The following PSD3 variants were observed in gnomAD, a reference collection of about 807,000 sequenced individuals.
PSD3 encodes the protein PH and SEC7 domain-containing protein 3.
In PSD3, 49 loss-of-function variants were observed where a neutral mutation model predicts 105.5. The observed-to-expected ratio is 0.46, with a 90% CI of 0.37 to 0.59. The LOEUF is 0.59. Among genes scored for constraint, PSD3 ranks in the 20% least tolerant of loss-of-function variants. PSD3 has a pLI of 0.00. For missense variants in PSD3, 1,561 were observed against 1,263.8 expected (o/e 1.24, Z -3.57); for synonymous variants, 557 against 457.8 (o/e 1.22, Z -2.77).
chr8:18,973,832 A>C (rs900071285), intron 1 of PSD3, among the ~76,000 whole-genome samples: 8 of 152,342 alleles, frequency 5.3e-5, no homozygotes, highest in African/African-American at 1.9e-4. Flanking sequence ...AATATGAGTT[A>C]CTAAGGACTT....
chr8:19,050,209 T>A (rs1448203636), intron 1 of PSD3, among the ~76,000 whole-genome samples: 2 of 152,178 alleles, frequency 1.3e-5, no homozygotes, highest in African/African-American at 4.8e-5. Context: ...ACTCTGTCAT[T>A]TCTGGGCCTT....
In PSD3 at chr8:18,632,181, C is replaced by CA. The variant is rs574001664; in HGVS notation, c.2410+431dup. On this transcript the variant is annotated intron_variant, in intron 11 of 15. Coordinates refer to ENST00000327040, the MANE Select transcript of PSD3 (RefSeq NM_015310.4). ...GTACTGGATATGAATTCCCTCCCTC[C>CA]ATCCTTTGTCTCTGGGACCTTACAC... 1.2e-4 allele frequency among the ~76,000 whole-genome samples: 18 copies of CA among 152,138 alleles called. No individual in the cohort carries two copies. The South Asian group carries it at 3.5e-3, about 30-fold the overall frequency.
intron 2 of PSD3, among the ~76,000 whole-genome samples, chr8:18,891,498 G>C (rs1411670251): frequency 6.6e-6 from 1 of 151,878 alleles, no homozygotes; most frequent in Non-Finnish European, 1.5e-5. Context: ...AATGTGTGAT[G>C]GAAGTTCTAT....
intron 1 of PSD3, among the ~76,000 whole-genome samples, chr8:18,978,221 C>T (rs1157285843): frequency 6.6e-6 from 1 of 152,246 alleles, no homozygotes; most frequent in African/African-American, 2.4e-5. Flanking sequence ...CTAAAAGCAA[C>T]ACTGCACGTC....
At chr8:19,084,446 G>A in exon 1 of PSD3, 1 of 456,018 alleles carries the variant, frequency 2.2e-6, no homozygotes, top group Non-Finnish European at 4.4e-6. Flanking sequence ...TGCATCGGGG[G>A]TCCATGCCCC....
In PSD3 at chr8:18,765,505, T is replaced by G; in HGVS notation, c.2116A>C (p.Ile706Leu). 1.2e-6 allele frequency: 2 copies of G among 1,612,706 alleles called. No individual in the cohort carries two copies. The highest frequency in any genetic ancestry group is 1.7e-6 in the Non-Finnish European group (2 of 1,178,686). ...TCATTTACCCCTTGCAGATTTGCAA[T>G]GAACTCCTGACAGGTCATCTTCTTT... Reference protein sequence around the residue: ...IGKKMTCQEFIANLQGVNEGV... With the variant: ...IGKKMTCQEFLANLQGVNEGV... Residue 706 changes from isoleucine (I) to leucine (L), a missense_variant, in exon 9 of 16, where the codon ATT (isoleucine) becomes CTT (leucine). Coordinates refer to ENST00000327040, the MANE Select transcript of PSD3 (RefSeq NM_015310.4).
rs185078421 is a variant in PSD3, at chr8:18,691,460, G to T, written c.2173-35775C>A. On this transcript the variant is annotated intron_variant, in intron 9 of 15. Transcript: ENST00000327040. ...ACAAACACAAAACTGTGAAGCTACAGGGCCTTCCGGAGATCAGAAAAACTT... is the reference window on the plus strand; with the variant it reads ...ACAAACACAAAACTGTGAAGCTACATGGCCTTCCGGAGATCAGAAAAACTT... Among the ~76,000 whole-genome samples, 3 of 152,328 alleles carry T rather than the reference G, an allele frequency of 2.0e-5. No individual in the cohort carries two copies. The East Asian group carries it at 5.8e-4, about 29-fold the overall frequency.
intron 1 of PSD3, among the ~76,000 whole-genome samples, chr8:18,939,286 T>C (rs1822366996): frequency 1.3e-5 from 2 of 152,204 alleles, no homozygotes; most frequent in South Asian, 4.1e-4. Context: ...TACATATTTA[T>C]TTGCATTTAC....
chr8:18,996,211 T>G (rs552457221), intron 1 of PSD3, among the ~76,000 whole-genome samples: 1 of 152,114 alleles, frequency 6.6e-6, no homozygotes, highest in Admixed American at 6.5e-5. Flanking sequence ...TTTAGTTGAC[T>G]GAATAAATTC....
At chr8:18,627,104 A>C (rs776657107) in intron 11 of PSD3, among the ~76,000 whole-genome samples, 1 of 152,148 alleles carries the variant, frequency 6.6e-6, no homozygotes, top group Non-Finnish European at 1.5e-5. Flanking sequence ...AGACATTTCA[A>C]AACAGAAAAC....
At chr8:18,787,603 A>C (rs115678031) in intron 8 of PSD3, among the ~76,000 whole-genome samples, 1,914 of 152,288 alleles carry the variant, frequency 0.013, 34 homozygotes, top group African/African-American at 0.044. Flanking sequence ...AATATTAATC[A>C]AAAGTCAAAA....
At chr8:18,554,075 G>A (rs986371140) in intron 15 of PSD3, among the ~76,000 whole-genome samples, 2 of 152,150 alleles carry the variant, frequency 1.3e-5, no homozygotes, top group Admixed American at 6.5e-5. Flanking sequence ...AAGAGGTAGC[G>A]CTGTCGACTC....
intron 4 of PSD3, among the ~76,000 whole-genome samples, chr8:18,830,577 T>C (rs1813602762): frequency 6.6e-6 from 1 of 152,222 alleles, no homozygotes; most frequent in South Asian, 2.1e-4. Context: ...AGATATCAGG[T>C]ATCAAAGTAC....
At chr8:18,967,327 G>T (rs1824334603) in intron 1 of PSD3, among the ~76,000 whole-genome samples, 1 of 151,924 alleles carries the variant, frequency 6.6e-6, no homozygotes, top group African/African-American at 2.4e-5. Context: ...GGCTAATTTT[G>T]TATTTTTAGT....
intron 1 of PSD3, among the ~76,000 whole-genome samples, chr8:19,037,948 C>T (rs1217577615): frequency 2.0e-5 from 3 of 148,822 alleles, no homozygotes; most frequent in African/African-American, 7.4e-5. Flanking sequence ...AAGTTATATA[C>T]ACATTAAAAG....
intron 14 of PSD3, among the ~76,000 whole-genome samples, chr8:18,568,022 C>CCT (rs1278805171): frequency 6.6e-6 from 1 of 152,258 alleles, no homozygotes; most frequent in South Asian, 2.1e-4. Flanking sequence ...ACTTTCCCTT[C>CCT]CTCTCTCTCT....
At chr8:18,802,347 AT>A in intron 6 of PSD3, 1 of 432,162 alleles carries the variant, frequency 2.3e-6, no homozygotes, top group Non-Finnish European at 4.7e-6. Context: ...ATGTAGATTC[AT>A]TTTCCTAAAC....
At chr8:18,622,414 TA>T (rs1484608024) in intron 11 of PSD3, among the ~76,000 whole-genome samples, 1 of 152,212 alleles carries the variant, frequency 6.6e-6, no homozygotes, top group Non-Finnish European at 1.5e-5. Context: ...TAATAGGCTG[TA>T]AACACACTCT....
intron 2 of PSD3, among the ~76,000 whole-genome samples, chr8:18,904,446 T>A (rs1819709920): frequency 1.3e-5 from 2 of 152,278 alleles, no homozygotes; most frequent in South Asian, 4.1e-4. Context: ...TGTACCAGTG[T>A]ACCCAGGATA....
Sources: allele counts gnomAD v4.1 joint callset (sites outside exome capture counted in the v4.1 genomes callset), GRCh38; gene constraint gnomAD v4.1.1; transcripts MANE v1.5; gene names NCBI Gene and HGNC (gene_info 2026-07-23, HGNC 2026-07-21).